CNTNAP2: variants seen among roughly 807,000 people sequenced by gnomAD.
The protein encoded by CNTNAP2 is contactin associated protein 2.
CNTNAP2 carries 98 observed loss-of-function variants against 155.2 expected under a neutral mutation model. That is an observed-to-expected ratio of 0.63 (90% confidence interval 0.54 to 0.75). The LOEUF (loss-of-function observed/expected upper bound fraction) is 0.75, where lower values mean the gene tolerates loss of function less well. Ranked by LOEUF, CNTNAP2 falls within the 30% of genes least tolerant of loss-of-function variation. The pLI is 0.00. For missense variants in CNTNAP2, 1,727 were observed against 1,688.1 expected (o/e 1.02, Z -0.40); for synonymous variants, 651 against 631.2 (o/e 1.03, Z -0.47).
chr7:146,941,527 C>G (rs575162336), intron 3 of CNTNAP2, among the ~76,000 whole-genome samples: 1 of 152,188 alleles, frequency 6.6e-6, no homozygotes, highest in African/African-American at 2.4e-5. Flanking sequence ...GATTTACACA[C>G]CGCCATTATA....
At chr7:147,230,233 T>G (rs1026443253) in intron 8 of CNTNAP2, among the ~76,000 whole-genome samples, 1 of 152,048 alleles carries the variant, frequency 6.6e-6, no homozygotes, top group African/African-American at 2.4e-5. Context: ...AGTTACATTT[T>G]ATTTTTTATT....
At chr7:146,636,026 T>G (rs1799592435) in intron 1 of CNTNAP2, among the ~76,000 whole-genome samples, 1 of 152,152 alleles carries the variant, frequency 6.6e-6, no homozygotes, top group African/African-American at 2.4e-5. Flanking sequence ...ATTATGAGAC[T>G]GTTTTCACCA....
At chr7:146,521,455 T>A (rs542988486) in intron 1 of CNTNAP2, among the ~76,000 whole-genome samples, 1 of 152,026 alleles carries the variant, frequency 6.6e-6, no homozygotes, top group East Asian at 1.9e-4. Flanking sequence ...ATAATTTACT[T>A]TTTTTTCCCT....
chr7:146,843,290 G>A (rs1803776794), intron 3 of CNTNAP2, among the ~76,000 whole-genome samples: 2 of 149,970 alleles, frequency 1.3e-5, no homozygotes, highest in Non-Finnish European at 2.9e-5. Flanking sequence ...GGGATTACAG[G>A]CGTGAGCCAC....
chr7:146,959,994 T>C (rs1797523573), intron 3 of CNTNAP2, among the ~76,000 whole-genome samples: 1 of 152,086 alleles, frequency 6.6e-6, no homozygotes, highest in African/African-American at 2.4e-5. Context: ...GTAGCATTTC[T>C]TTTCCCCTTG....
At chr7:148,149,717 A>C (rs1021639327) in intron 17 of CNTNAP2, among the ~76,000 whole-genome samples, 3 of 151,944 alleles carry the variant, frequency 2.0e-5, no homozygotes, top group African/African-American at 7.3e-5. Context: ...ATGCCCAGCA[A>C]ATTTTTGTAT....
At chr7:147,011,418 CAAAAA>C (rs759844476) in intron 3 of CNTNAP2, among the ~76,000 whole-genome samples, 1 of 13,258 alleles carries the variant, frequency 7.5e-5, no homozygotes, top group African/African-American at 2.0e-4. Context: ...CACTCCATCT[CAAAAA>C]AAAAAAAAAA....
chr7:147,679,738 G>C (rs1584895880), intron 13 of CNTNAP2, among the ~76,000 whole-genome samples: 1 of 151,676 alleles, frequency 6.6e-6, no homozygotes, highest in Non-Finnish European at 1.5e-5. Context: ...ACCTTGCTTT[G>C]GAATTATATT....
At chr7:147,088,161 C>A (rs1179057872) in intron 4 of CNTNAP2, among the ~76,000 whole-genome samples, 1 of 152,168 alleles carries the variant, frequency 6.6e-6, no homozygotes, top group Non-Finnish European at 1.5e-5. Context: ...ATTTCAAAAC[C>A]TTTCTAAATT....
chr7:147,274,359 G>A (rs1804843464), intron 8 of CNTNAP2, among the ~76,000 whole-genome samples: 1 of 152,084 alleles, frequency 6.6e-6, no homozygotes, highest in African/African-American at 2.4e-5. Context: ...ACTTGTATAA[G>A]ATGATCATCA....
rs79327136 is a variant in CNTNAP2 at position 147,520,974 on chromosome 7, G to A, written c.1777+34933G>A. 2.0e-3 allele frequency among the ~76,000 whole-genome samples: 309 copies of A among 152,284 alleles called. 4 individuals carry two copies. The highest frequency in any genetic ancestry group is 6.8e-3 in the African/African-American group (282 of 41,544). ...TTCTGTTGCTAATGACTAGCATGAG[G>A]GTTGGTAAGTAGTGACAGTAAAATT... On this transcript the variant is annotated intron_variant, in intron 11 of 23. Transcript: ENST00000361727.
At chr7:147,474,725 C>G (rs1276036254) in intron 10 of CNTNAP2, among the ~76,000 whole-genome samples, 3 of 152,142 alleles carry the variant, frequency 2.0e-5, no homozygotes, top group Non-Finnish European at 2.9e-5. Flanking sequence ...GGCAGTCTCA[C>G]AAGAAAGAAC....
At chr7:148,169,954 C>T (rs902456198) in intron 17 of CNTNAP2, among the ~76,000 whole-genome samples, 7 of 132,080 alleles carry the variant, frequency 5.3e-5, no homozygotes, top group Non-Finnish European at 9.8e-5. Context: ...AGTGAAAATC[C>T]GCCTCAAAAA....
At chr7:146,831,055 T>A (rs1198146381) in intron 2 of CNTNAP2, among the ~76,000 whole-genome samples, 2 of 152,210 alleles carry the variant, frequency 1.3e-5, no homozygotes, top group Non-Finnish European at 2.9e-5. Context: ...ATCTATGGAA[T>A]TTATGCTGTT....
At chr7:147,667,810 ATAAAAAAAATAAAATAAAAAAAT>A (rs1563045518) in intron 13 of CNTNAP2, among the ~76,000 whole-genome samples, 2 of 140,842 alleles carry the variant, frequency 1.4e-5, no homozygotes, top group Non-Finnish European at 3.2e-5. Context: ...AAAAAAAATA[ATAAAAAAAATAAAATAAAAAAAT>A]AAAAGATACC....
chr7:148,117,538 G>A (rs936226239), intron 15 of CNTNAP2, among the ~76,000 whole-genome samples: 3 of 152,162 alleles, frequency 2.0e-5, no homozygotes, highest in Non-Finnish European at 2.9e-5. Flanking sequence ...CAAGGCAGAG[G>A]TGGATGAAAA....
intron 10 of CNTNAP2, among the ~76,000 whole-genome samples, chr7:147,421,799 A>G (rs2116509470): frequency 6.6e-6 from 1 of 151,884 alleles, no homozygotes; most frequent in South Asian, 2.1e-4. Context: ...ATGAGCTCTC[A>G]CTCTGTGTTC....
chr7:146,180,301 C>CT (rs765010419), intron 1 of CNTNAP2, among the ~76,000 whole-genome samples: 1 of 151,702 alleles, frequency 6.6e-6, no homozygotes, highest in Admixed American at 6.6e-5. Flanking sequence ...TCATTTTTTT[C>CT]TTTTTTTCTT....
At chr7:147,025,737 A>G (rs1375571626) in intron 3 of CNTNAP2, among the ~76,000 whole-genome samples, 1 of 152,010 alleles carries the variant, frequency 6.6e-6, no homozygotes, top group Non-Finnish European at 1.5e-5. Context: ...ACAGATTATT[A>G]TGTGATTTAA....
Sources: gnomAD v4.1 joint callset for allele counts (sites outside exome capture counted in the v4.1 genomes callset) on GRCh38, gnomAD v4.1.1 for gene constraint, MANE v1.5 for transcripts, NCBI Gene and HGNC (gene_info 2026-07-23, HGNC 2026-07-21) for gene names.